RGS6: variants seen among roughly 807,000 people sequenced by gnomAD.
RGS6 encodes regulator of G protein signaling 6, also known as regulator of G-protein signaling 6.
In RGS6, 30 loss-of-function variants were observed where a neutral mutation model predicts 78.5. The ratio of observed to expected loss-of-function variants is 0.38; its 90% CI spans 0.29 to 0.52. The LOEUF (loss-of-function observed/expected upper bound fraction) is 0.52. RGS6 is among the 20% of genes least tolerant of loss of function. The pLI is 0.85. For synonymous variants in RGS6, 206 were observed against 206.0 expected (o/e 1.00, Z 0.00); for missense variants, 495 against 609.7 (o/e 0.81, Z 1.98).
chr14:72,054,912 C>T (rs1236154019), intron 2 of RGS6, among the ~76,000 whole-genome samples: 1 of 152,142 alleles, frequency 6.6e-6, no homozygotes, highest in African/African-American at 2.4e-5. Flanking sequence ...TTCACTCAGC[C>T]TTATATTCCT....
intron 4 of RGS6, among the ~76,000 whole-genome samples, chr14:72,454,821 A>G (rs189250217): frequency 2.7e-4 from 41 of 152,380 alleles, no homozygotes; most frequent in African/African-American, 9.1e-4. Context: ...GCCCAATACA[A>G]TAATGTGTGA....
chr14:72,318,407 G>A (rs1334668296), intron 2 of RGS6, among the ~76,000 whole-genome samples: 2 of 106,260 alleles, frequency 1.9e-5, no homozygotes, highest in Non-Finnish European at 4.0e-5. Context: ...ATCTCCTTTG[G>A]CCACACCCTC....
intron 1 of RGS6, among the ~76,000 whole-genome samples, chr14:71,943,416 C>T (rs560066894): frequency 6.6e-6 from 1 of 152,248 alleles, no homozygotes; most frequent in South Asian, 2.1e-4. Flanking sequence ...TAGAGTGAGT[C>T]TGTTGAGAAA....
At chr14:72,184,377 C>CACACACAT (rs778579869) in intron 2 of RGS6, among the ~76,000 whole-genome samples, 2 of 125,244 alleles carry the variant, frequency 1.6e-5, no homozygotes, top group Non-Finnish European at 3.7e-5. Context: ...CAAACACACA[C>CACACACAT]ACACACACAC....
At chr14:72,029,685 T>A (rs1399695225) in intron 2 of RGS6, among the ~76,000 whole-genome samples, 1 of 152,134 alleles carries the variant, frequency 6.6e-6, no homozygotes, top group East Asian at 1.9e-4. Context: ...CTGGTAGAAG[T>A]GTTCCCCTAC....
chr14:72,245,840 G>A (rs986891306), intron 2 of RGS6, among the ~76,000 whole-genome samples: 4 of 152,164 alleles, frequency 2.6e-5, no homozygotes, highest in East Asian at 1.9e-4. Context: ...GACAGAAAAA[G>A]TATGAGCCGA....
At position 72,042,303 on chromosome 14, in the gene RGS6, A is replaced by G. The variant is rs913677083; in HGVS notation, c.84+77428A>G. On this transcript the variant is annotated intron_variant, in intron 2 of 17. Coordinates refer to ENST00000553525, the MANE Select transcript of RGS6 (RefSeq NM_001204424.2). ...CCACCATGCCTGGCTAATTTTTTGTATTTTTAGTAGAGATGGGGTTTCACC... is the reference window on the plus strand; with the variant it reads ...CCACCATGCCTGGCTAATTTTTTGTGTTTTTAGTAGAGATGGGGTTTCACC... Among the ~76,000 whole-genome samples the G allele has an allele frequency of 4.6e-5, 7 of 151,558 alleles. No individual in the cohort carries two copies. The East Asian group carries it at 1.2e-3, about 25-fold the overall frequency.
intron 3 of RGS6, among the ~76,000 whole-genome samples, chr14:72,352,534 A>C (rs1273901037): frequency 1.3e-5 from 2 of 152,196 alleles, no homozygotes; most frequent in Non-Finnish European, 2.9e-5. Context: ...TTTTTAAGAA[A>C]GTGTTATATT....
intron 3 of RGS6, among the ~76,000 whole-genome samples, chr14:72,454,133 GA>G (rs1479380074): frequency 6.6e-6 from 1 of 152,238 alleles, no homozygotes; most frequent in Non-Finnish European, 1.5e-5. Context: ...AGTTTTGCAA[GA>G]ACCTATGAGG....
At chr14:72,070,871 T>C (rs2094384376) in intron 2 of RGS6, among the ~76,000 whole-genome samples, 1 of 152,250 alleles carries the variant, frequency 6.6e-6, no homozygotes, top group African/African-American at 2.4e-5. Flanking sequence ...TGTGTATGAA[T>C]ATATGTTATG....
intron 3 of RGS6, among the ~76,000 whole-genome samples, chr14:72,447,225 A>T (rs766140178): frequency 5.9e-5 from 9 of 152,018 alleles, no homozygotes; most frequent in Non-Finnish European, 1.3e-4. Context: ...AAAGATGTTT[A>T]CTCCATTACC....
At chr14:72,163,284 ACT>A (rs1465391887) in intron 2 of RGS6, among the ~76,000 whole-genome samples, 3 of 152,346 alleles carry the variant, frequency 2.0e-5, no homozygotes, top group African/African-American at 4.8e-5. Context: ...GGAAATTAAA[ACT>A]CTAATTGTTT....
chr14:72,434,756 T>G (rs2094822560), intron 3 of RGS6, among the ~76,000 whole-genome samples: 1 of 152,186 alleles, frequency 6.6e-6, no homozygotes, highest in South Asian at 2.1e-4. Flanking sequence ...TGAAATCCAT[T>G]AAATTCATAT....
intron 3 of RGS6, among the ~76,000 whole-genome samples, chr14:72,409,834 A>G (rs571062908): frequency 3.3e-5 from 5 of 152,146 alleles, no homozygotes; most frequent in South Asian, 4.2e-4. Flanking sequence ...TGTTCTTGCA[A>G]TAGTTTGCTG....
At chr14:71,914,163 T>C in the RGS6 span, among the ~76,000 whole-genome samples, 1 of 152,246 alleles carries the variant, frequency 6.6e-6, no homozygotes, top group Non-Finnish European at 1.5e-5. Context: ...GGTTTTGTCC[T>C]TGGGCCAGCT....
At chr14:72,452,822 C>G (rs996934854) in intron 3 of RGS6, among the ~76,000 whole-genome samples, 1 of 152,246 alleles carries the variant, frequency 6.6e-6, no homozygotes, top group African/African-American at 2.4e-5. Flanking sequence ...ACCAGAAATT[C>G]AGAACCTTCC....
In RGS6 at chr14:72,540,106, C is replaced by T. The variant is rs1322241029; in HGVS notation, c.1422+12C>T. 9.5e-6 allele frequency: 15 copies of T among 1,578,314 alleles called. No individual in the cohort carries two copies. Among genetic ancestry groups the T allele is most frequent in the South Asian group, 3.5e-5 (3 of 86,198 alleles). On this transcript the variant is annotated intron_variant, in intron 17 of 17. Coordinates refer to ENST00000553525, the MANE Select transcript of RGS6 (RefSeq NM_001204424.2). ...TCACTCGCAGTGTGGTAAGTTCAGT[C>T]GGTTTTCTTCCCTCAGCTTTTCTTT...
At chr14:72,316,032 A>G (rs2070090713) in intron 2 of RGS6, among the ~76,000 whole-genome samples, 1 of 152,088 alleles carries the variant, frequency 6.6e-6, no homozygotes, top group African/African-American at 2.4e-5. Flanking sequence ...CCTGGGGAAC[A>G]TTTCTCTCTC....
At chr14:72,279,991 A>G (rs1567650410) in intron 2 of RGS6, among the ~76,000 whole-genome samples, 2 of 152,188 alleles carry the variant, frequency 1.3e-5, no homozygotes, top group African/African-American at 2.4e-5. Flanking sequence ...GGACTCAATG[A>G]TACTGAGTTT....
Sources: gnomAD v4.1 joint callset for allele counts (sites outside exome capture counted in the v4.1 genomes callset) on GRCh38, gnomAD v4.1.1 for gene constraint, MANE v1.5 for transcripts, NCBI Gene and HGNC (gene_info 2026-07-23, HGNC 2026-07-21) for gene names.